SORCS2: variants seen among roughly 807,000 people sequenced by gnomAD.
SORCS2 encodes the protein sortilin related VPS10 domain containing receptor 2.
Under a neutral mutation model 141.6 loss-of-function variants are expected in SORCS2, and 100 were observed. The ratio of observed to expected loss-of-function variants is 0.71; its 90% CI spans 0.60 to 0.83. The LOEUF (loss-of-function observed/expected upper bound fraction) is 0.83. SORCS2 is among the 40% of genes least tolerant of loss of function. The pLI, the probability that SORCS2 is intolerant of heterozygous loss-of-function variation, is 0.00. For synonymous variants in SORCS2, 789 were observed against 676.9 expected, an observed-to-expected ratio of 1.17 and a Z score of -2.57; for missense variants, 1,646 against 1,560.2, an observed-to-expected ratio of 1.05 and a Z score of -0.93.
intron 1 of SORCS2, among the ~76,000 whole-genome samples, chr4:7,245,526 T>C (rs938701841): frequency 2.0e-5 from 3 of 152,254 alleles, no homozygotes; most frequent in African/African-American, 7.2e-5. Context: ...TTGCGTGGCC[T>C]CGGATGATTC....
At chr4:7,256,067 G>A (rs1393282597) in intron 1 of SORCS2, among the ~76,000 whole-genome samples, 1 of 152,192 alleles carries the variant, frequency 6.6e-6, no homozygotes, top group Non-Finnish European at 1.5e-5. Flanking sequence ...AGGTCGTGCT[G>A]TCTCTCCAGG....
intron 2 of SORCS2, among the ~76,000 whole-genome samples, chr4:7,491,703 C>A (rs925748884): frequency 2.0e-5 from 3 of 152,220 alleles, no homozygotes; most frequent in African/African-American, 7.2e-5. Flanking sequence ...GTCTGCGTGA[C>A]CCATGCTCCT....
chr4:7,536,081 G>C (rs558288406), intron 3 of SORCS2, among the ~76,000 whole-genome samples: 398 of 152,366 alleles, frequency 2.6e-3, no homozygotes, highest in African/African-American at 9.0e-3. Context: ...GCCACGTGCT[G>C]AGTGGGGCTA....
At chr4:7,413,809 G>C (rs1725487542) in intron 2 of SORCS2, among the ~76,000 whole-genome samples, 1 of 152,190 alleles carries the variant, frequency 6.6e-6, no homozygotes, top group Non-Finnish European at 1.5e-5. Flanking sequence ...ATGCCGAGAT[G>C]TAAAGGGAGC....
At chr4:7,635,204 C>G (rs1476226496) in intron 3 of SORCS2, among the ~76,000 whole-genome samples, 1 of 152,122 alleles carries the variant, frequency 6.6e-6, no homozygotes, top group Non-Finnish European at 1.5e-5. Flanking sequence ...GCTAAAATGC[C>G]CCATCCTGCG....
At chr4:7,547,182 A>G (rs927336970) in intron 3 of SORCS2, among the ~76,000 whole-genome samples, 11 of 152,112 alleles carry the variant, frequency 7.2e-5, no homozygotes, top group African/African-American at 2.7e-4. Flanking sequence ...TGCCCTCTAA[A>G]TCTCATTCAT....
intron 3 of SORCS2, among the ~76,000 whole-genome samples, chr4:7,555,152 A>G (rs1205074311): frequency 2.0e-5 from 3 of 151,984 alleles, no homozygotes; most frequent in African/African-American, 7.3e-5. Flanking sequence ...CAGGGTAAAC[A>G]CTCCCTCTAT....
chr4:7,665,925 G>A (rs1275358634), intron 7 of SORCS2, among the ~76,000 whole-genome samples: 2 of 152,184 alleles, frequency 1.3e-5, no homozygotes, highest in Non-Finnish European at 2.9e-5. Flanking sequence ...TGCAGCAAGA[G>A]GGAACACATG....
intron 14 of SORCS2, among the ~76,000 whole-genome samples, chr4:7,711,804 A>C (rs1243286549): frequency 1.3e-5 from 2 of 152,216 alleles, no homozygotes; most frequent in Non-Finnish European, 2.9e-5. Flanking sequence ...CCGGCCTACC[A>C]GGCTGTGCAT....
intron 1 of SORCS2, among the ~76,000 whole-genome samples, chr4:7,248,566 C>T (rs1054040501): frequency 6.6e-6 from 1 of 152,196 alleles, no homozygotes; most frequent in African/African-American, 2.4e-5. Flanking sequence ...TCACTGTCAT[C>T]GTGTGTGACC....
Position 7,330,658 on chromosome 4 carries a change from C to T in SORCS2, c.481-65630C>T, listed in dbSNP as rs547874110. ...GAATTTAGAAGTGAAAGTCAATGCC[C>T]GCTGTGCTCTGCAGTGCAACTTACA... On this transcript the variant is annotated intron_variant, in intron 1 of 26. Transcript: ENST00000507866. Among the ~76,000 whole-genome samples the T allele has an allele frequency of 2.2e-4, 34 of 152,072 alleles. 1 individual carries two copies. In the South Asian group the frequency reaches 4.4e-3, roughly 20 times the overall value.
intron 2 of SORCS2, among the ~76,000 whole-genome samples, chr4:7,400,149 C>T (rs866796319): frequency 7.9e-5 from 12 of 152,114 alleles, no homozygotes; most frequent in Non-Finnish European, 1.5e-4. Flanking sequence ...ACCCCACCCC[C>T]GGCTCCTACC....
At chr4:7,556,567 G>T (rs73214654) in intron 3 of SORCS2, among the ~76,000 whole-genome samples, 43,631 of 151,984 alleles carry the variant, frequency 0.29, 6,462 homozygotes, top group African/African-American at 0.34. Flanking sequence ...TCTGCACAAA[G>T]TTCACTTTTC....
intron 2 of SORCS2, among the ~76,000 whole-genome samples, chr4:7,505,795 C>G (rs2109443757): frequency 6.6e-6 from 1 of 152,302 alleles, no homozygotes; most frequent in South Asian, 2.1e-4. Context: ...GTGATGAACT[C>G]CATGAGCCTC....
In SORCS2 at chr4:7,724,485, GGTGGTGGTGGTGACA is replaced by G. The variant is rs1161153686; in HGVS notation, c.2611+603_2611+617del. On this transcript the variant is annotated intron_variant, in intron 19 of 26. Coordinates refer to ENST00000507866, the MANE Select transcript of SORCS2 (RefSeq NM_020777.3). ...TGGTGGTGATGGTGATGGTGGTGAT[GGTGGTGGTGGTGACA>G]ATGGTGGTGGTGATGGTGGTGATAG... is the stretch of plus-strand genomic sequence containing the variant. Among the ~76,000 whole-genome samples the G allele has an allele frequency of 4.6e-4, 68 of 147,804 alleles. 1 individual carries two copies. Among genetic ancestry groups the G allele is most frequent in the East Asian group, 1.2e-3 (6 of 4,872 alleles).
chr4:7,335,619 G>C (rs942171236), intron 1 of SORCS2, among the ~76,000 whole-genome samples: 1 of 152,220 alleles, frequency 6.6e-6, no homozygotes, highest in South Asian at 2.1e-4. Context: ...TGGTTTTCCA[G>C]GGCTGTTCAC....
At chr4:7,287,194 A>C (rs1338440855) in intron 1 of SORCS2, among the ~76,000 whole-genome samples, 2 of 152,172 alleles carry the variant, frequency 1.3e-5, no homozygotes, top group Non-Finnish European at 2.9e-5. Flanking sequence ...GACCAACTGG[A>C]AAATCCCAGA....
chr4:7,474,558 C>T (rs1403563643), intron 2 of SORCS2, among the ~76,000 whole-genome samples: 1 of 152,170 alleles, frequency 6.6e-6, no homozygotes, highest in Non-Finnish European at 1.5e-5. Context: ...GTCACAGAGT[C>T]CCCAGCTCTG....
In SORCS2 at chr4:7,725,158, C is replaced by G. The variant is rs74684435; in HGVS notation, c.2616C>G (p.Pro872=). 2.4e-4 allele frequency: 392 copies of G among 1,613,004 alleles called. 1 individual carries two copies. The East Asian group carries it at 8.1e-3, about 33-fold the overall frequency. ...GGCCTTTTTGGGTCCCCACAGCCCC[C>G]CTGCAGGCCCTCTACCTGGAGGTGG... is the stretch of plus-strand genomic sequence containing the variant. ...EAVLFVQVNS[P]LQALYLEVVP... Residue 872 remains proline, a synonymous_variant, in exon 20 of 27, where the codon CCC becomes CCG. Transcript: ENST00000507866.
Sources: gnomAD v4.1 joint callset for allele counts (sites outside exome capture counted in the v4.1 genomes callset) on GRCh38, gnomAD v4.1.1 for gene constraint, MANE v1.5 for transcripts, NCBI Gene and HGNC (gene_info 2026-07-23, HGNC 2026-07-21) for gene names.